The following PCDHGA4 variants were observed in gnomAD, a reference collection of about 807,000 sequenced individuals.
PCDHGA4 encodes protocadherin gamma-A4.
Under a neutral mutation model 54.6 loss-of-function variants are expected in PCDHGA4, and 38 were observed. That is an observed-to-expected ratio of 0.70 (90% CI 0.54 to 0.91). PCDHGA4 has a LOEUF of 0.91. Ranked by LOEUF, PCDHGA4 falls within the 40% of genes least tolerant of loss-of-function variation. The pLI, the probability that PCDHGA4 is intolerant of heterozygous loss-of-function variation, is 0.00. For synonymous variants in PCDHGA4, 511 were observed against 512.9 expected (o/e 1.00, Z 0.05); for missense variants, 1,298 against 1,220.9 (o/e 1.06, Z -0.94).
chr5:141,500,498 C>T (rs1487770160), intron 2 of PCDHGA4, among the ~76,000 whole-genome samples: 5 of 152,120 alleles, frequency 3.3e-5, no homozygotes, highest in African/African-American at 7.2e-5. Context: ...CGTGAGCCAC[C>T]GCGCCTGGCC....
At chr5:141,469,886 T>A (rs766990419) in intron 1 of PCDHGA4, among the ~76,000 whole-genome samples, 4 of 152,208 alleles carry the variant, frequency 2.6e-5, no homozygotes, top group Non-Finnish European at 4.4e-5. Context: ...ATCTCGGCAC[T>A]TTGGGAAGCC....
intron 1 of PCDHGA4, chr5:141,399,313 A>C: frequency 6.2e-7 from 1 of 1,613,952 alleles, no homozygotes; most frequent in Non-Finnish European, 8.5e-7. Flanking sequence ...TTCATCCAAA[A>C]ATTCGTATAA....
chr5:141,377,724 A>G (rs549902283), intron 1 of PCDHGA4: 1 of 152,362 alleles, frequency 6.6e-6, no homozygotes, highest in South Asian at 2.1e-4. Flanking sequence ...TTTTGAAAAG[A>G]TAAGAATCAT....
At position 141,419,228 on chromosome 5, in the gene PCDHGA4, T is replaced by G. The variant is rs761014077; in HGVS notation, c.2514+61607T>G. The G allele has an allele frequency of 2.5e-6, 4 of 1,613,874 alleles. No individual in the cohort carries two copies. The East Asian group carries it at 8.9e-5, about 36-fold the overall frequency. On this transcript the variant is annotated intron_variant, in intron 1 of 3. Coordinates refer to ENST00000571252, the MANE Select transcript of PCDHGA4 (RefSeq NM_018917.4). Reference sequence around the variant, plus strand: ...CGCGCCGGTTTTCGGACAGTCAGCCTACCTGGTCCACGTGCCAGAAAACAA... The same window carrying G: ...CGCGCCGGTTTTCGGACAGTCAGCCGACCTGGTCCACGTGCCAGAAAACAA...
chr5:141,451,322 T>C (rs1452969719), intron 1 of PCDHGA4, among the ~76,000 whole-genome samples: 1 of 152,236 alleles, frequency 6.6e-6, no homozygotes, highest in African/African-American at 2.4e-5. Flanking sequence ...AAGTGTCACC[T>C]AAGGCTATTG....
chr5:141,415,744 T>TTTTTG, intron 1 of PCDHGA4: 1 of 404,416 alleles, frequency 2.5e-6, no homozygotes, highest in Non-Finnish European at 3.0e-6. Context: ...ATTAAGGTTT[T>TTTTTG]TTTTTTTTTT....
Position 141,487,125 on chromosome 5 carries a change from G to A in PCDHGA4, c.2515-7682G>A. 6.2e-7 allele frequency: 1 copy of A among 1,614,112 alleles called. No homozygotes were observed. The highest frequency in any genetic ancestry group is 8.5e-7 in the Non-Finnish European group (1 of 1,179,994). The stretch of plus-strand genomic sequence containing the variant: ...CTGGTCATTGTGGTAAAGGATAGTG[G>A]TAGTCCACCACTCTCTACCTCTGTT... On this transcript the variant is annotated intron_variant, in intron 1 of 3. Coordinates refer to ENST00000571252, the MANE Select transcript of PCDHGA4 (RefSeq NM_018917.4). This position sits in a 1 kb window ranked among gnomAD's most constrained non-coding sequence, Gnocchi z 5.0.
At position 141,434,489 on chromosome 5, in the gene PCDHGA4, C is replaced by G. The variant is rs921000136; in HGVS notation, c.2515-60318C>G. On this transcript the variant is annotated intron_variant, in intron 1 of 3. Coordinates refer to ENST00000571252, the MANE Select transcript of PCDHGA4 (RefSeq NM_018917.4). ...GAATGAGGGCAAGGAACACCTGGCC[C>G]GCCCAGGGCAGAAAACTGCTTAAAG... Among the ~76,000 whole-genome samples, 8 of 152,158 alleles carry G rather than the reference C, an allele frequency of 5.3e-5. 1 individual carries two copies. The highest frequency in any genetic ancestry group is 2.6e-4 in the Admixed American group (4 of 15,284).
At chr5:141,481,813 G>C (rs185558948) in intron 1 of PCDHGA4, among the ~76,000 whole-genome samples, 1 of 151,824 alleles carries the variant, frequency 6.6e-6, no homozygotes, top group African/African-American at 2.4e-5. Flanking sequence ...TTCACCAGGC[G>C]TGGTGGCTGA....
In PCDHGA4 at chr5:141,381,283, C is replaced by T. The variant is rs142136901; in HGVS notation, c.2514+23662C>T. On this transcript the variant is annotated intron_variant, in intron 1 of 3. Transcript: ENST00000571252. ...AAACCAAGACTGTTTCTTGCCAGGT[C>T]TTTATTCCAGAGCAGGTCATTCTCT... 3.8e-3 allele frequency among the ~76,000 whole-genome samples: 584 copies of T among 152,356 alleles called. 6 individuals are homozygous for T. The highest frequency in any genetic ancestry group is 0.011 in the Admixed American group (170 of 15,296).
chr5:141,490,497 C>T lies in PCDHGA4; in HGVS notation c.2515-4310C>T. 8 of 1,614,196 alleles carry T rather than the reference C, an allele frequency of 5.0e-6. No individual in the cohort carries two copies. Among genetic ancestry groups the T allele is most frequent in the Non-Finnish European group, 6.8e-6 (8 of 1,180,038 alleles). ...CTTTGGACCGGGAGGCCACATCCCACTATATCATCGAGCTGCTGGCCAGCG... is the reference window on the plus strand; with the variant it reads ...CTTTGGACCGGGAGGCCACATCCCATTATATCATCGAGCTGCTGGCCAGCG... On this transcript the variant is annotated intron_variant, in intron 1 of 3. Transcript: ENST00000571252. The surrounding 1 kb of genome is among the most constrained non-coding windows in gnomAD (Gnocchi z 5.4).
intron 1 of PCDHGA4, among the ~76,000 whole-genome samples, chr5:141,406,485 G>T (rs2094815755): frequency 6.6e-6 from 1 of 152,142 alleles, no homozygotes; most frequent in Non-Finnish European, 1.5e-5. Flanking sequence ...ATATTTTTCA[G>T]ATCACAAGTG....
intron 1 of PCDHGA4, chr5:141,415,653 G>C (rs947379829): frequency 1.4e-5 from 22 of 1,539,304 alleles, no homozygotes; most frequent in Non-Finnish European, 1.9e-5. Context: ...AAAAAAAAAA[G>C]ATTGGTTTTT....
rs374095590 is a variant in PCDHGA4, at chr5:141,431,523, T to C, written c.2515-63284T>C. On this transcript the variant is annotated intron_variant, in intron 1 of 3. Coordinates refer to ENST00000571252, the MANE Select transcript of PCDHGA4 (RefSeq NM_018917.4). This position sits in a 1 kb window ranked among gnomAD's most constrained non-coding sequence, Gnocchi z 4.8. ...TACCGCGCGAGCGTTCCGGAGAATC[T>C]GGCCTTGGGCACGCAGCTGCTTGTA... 13 of 1,613,952 alleles carry C rather than the reference T, an allele frequency of 8.1e-6. No homozygotes were observed. The African/African-American group carries it at 1.5e-4, about 18-fold the overall frequency.
In PCDHGA4 at chr5:141,370,866, C is replaced by A. The variant is rs770980502; in HGVS notation, c.2514+13245C>A. On this transcript the variant is annotated intron_variant, in intron 1 of 3. Transcript: ENST00000571252. ...AGCCACATTTGCCCTGGAATCTGCG[C>A]AAGATCCTGATGTAGGTGTCAATTC... 14 of 1,614,050 alleles carry A rather than the reference C, an allele frequency of 8.7e-6. No homozygotes were observed. In the Admixed American group the frequency reaches 2.3e-4, roughly 27 times the overall value.
At chr5:141,394,692 C>T (rs1356120664) in intron 1 of PCDHGA4, 1 of 1,613,028 alleles carries the variant, frequency 6.2e-7, no homozygotes, top group Non-Finnish European at 8.5e-7. Context: ...GGGCGAGGTG[C>T]GCACGGCGCG....
chr5:141,362,171 G>T (rs62378417), intron 1 of PCDHGA4: 1 of 1,613,836 alleles, frequency 6.2e-7, no homozygotes, highest in African/African-American at 1.3e-5. Context: ...AGCGACCGCC[G>T]GGAGCCCTCT....
intron 1 of PCDHGA4, among the ~76,000 whole-genome samples, chr5:141,463,179 A>G (rs1261927835): frequency 6.6e-6 from 1 of 152,082 alleles, no homozygotes; most frequent in Non-Finnish European, 1.5e-5. Context: ...GTATGCTCAG[A>G]TTATTATTTA....
At chr5:141,362,456 T>A (rs373414184) in intron 1 of PCDHGA4, 3 of 1,614,050 alleles carry the variant, frequency 1.9e-6, no homozygotes, top group Non-Finnish European at 2.5e-6. Context: ...ACCCCGGAAT[T>A]GGTTCCCGCG....
Sources: allele counts gnomAD v4.1 joint callset (sites outside exome capture counted in the v4.1 genomes callset), GRCh38; gene constraint gnomAD v4.1.1; non-coding constraint Gnocchi (gnomAD v3.1); transcripts MANE v1.5; gene names NCBI Gene and HGNC (gene_info 2026-07-23, HGNC 2026-07-21).